Variants in HERC3 observed in about 807,000 individuals in gnomAD.
HERC3 encodes probable E3 ubiquitin-protein ligase HERC3.
In HERC3, 58 loss-of-function variants were observed where a neutral mutation model predicts 129.9. That is an observed-to-expected ratio of 0.45 (90% confidence interval 0.36 to 0.56). The LOEUF is 0.56. Among genes scored for constraint, HERC3 ranks in the 20% least tolerant of loss-of-function variants. The pLI, the probability that HERC3 is intolerant of heterozygous loss-of-function variation, is 0.00. For missense variants in HERC3, 835 were observed against 1,244.2 expected (o/e 0.67, Z 4.95); for synonymous variants, 430 against 451.0 (o/e 0.95, Z 0.59).
intron 9 of HERC3, chr4:88,656,993 A>G (rs1419965502): frequency 1.3e-5 from 2 of 151,888 alleles, no homozygotes; most frequent in African/African-American, 4.8e-5. Context: ...TTTTTAAGCC[A>G]TTTTTTTTCT....
intron 3 of HERC3, among the ~76,000 whole-genome samples, chr4:88,646,377 G>A (rs1425726367): frequency 1.3e-5 from 2 of 152,230 alleles, no homozygotes; most frequent in Admixed American, 1.3e-4. Flanking sequence ...CAGACTTGCT[G>A]TAAGCAGCAC....
intron 7 of HERC3, among the ~76,000 whole-genome samples, chr4:88,654,348 TCATATATATATATATATATATATATA>T (rs72056208): frequency 0.071 from 7,786 of 109,650 alleles, 611 homozygotes; most frequent in East Asian, 0.31. Context: ...TGTAGATTTT[TCATATATATATATATATATATATATA>T]TATATATATA....
intron 23 of HERC3, among the ~76,000 whole-genome samples, chr4:88,689,769 G>A (rs1048185236): frequency 1.3e-5 from 2 of 152,012 alleles, no homozygotes; most frequent in Admixed American, 1.3e-4. Context: ...GTAGAGATGG[G>A]GTTTTGCCAT....
At chr4:88,551,336 G>A in the HERC3 span, among the ~76,000 whole-genome samples, 8 of 148,456 alleles carry the variant, frequency 5.4e-5, no homozygotes, top group Admixed American at 2.0e-4. Context: ...TACCATCAGA[G>A]TGAACAGGCA....
intron 3 of HERC3, among the ~76,000 whole-genome samples, chr4:88,632,433 T>C (rs1217730514): frequency 6.6e-6 from 1 of 152,190 alleles, no homozygotes; most frequent in African/African-American, 2.4e-5. Flanking sequence ...TCAACTTGCA[T>C]GGGAAGAGAC....
intron 14 of HERC3, 106 bp downstream of exon 14, chr4:88,668,187 T>A: frequency 1.1e-6 from 1 of 899,016 alleles, no homozygotes; most frequent in Non-Finnish European, 1.8e-6. Context: ...TGTTGCCATT[T>A]AATATCCTTA....
At chr4:88,588,902 C>T (rs1214781709), upstream of HERC3, among the ~76,000 whole-genome samples, 1 of 152,198 alleles carries the variant, frequency 6.6e-6, no homozygotes, top group Non-Finnish European at 1.5e-5. Flanking sequence ...AGTGATAGAG[C>T]TGAACCACAT....
intron 23 of HERC3, chr4:88,697,941 G>GATAC: frequency 1.4e-6 from 1 of 734,240 alleles, no homozygotes; most frequent in South Asian, 1.9e-5. Flanking sequence ...TGACGGCCGT[G>GATAC]TGCTCATACT....
intron 3 of HERC3, among the ~76,000 whole-genome samples, chr4:88,641,680 C>G (rs1386895575): frequency 1.3e-5 from 2 of 152,192 alleles, no homozygotes; most frequent in Admixed American, 1.3e-4. Flanking sequence ...CAACAGTTCT[C>G]TCTATATACA....
chr4:88,531,815 A>G, the HERC3 span, among the ~76,000 whole-genome samples: 2 of 152,190 alleles, frequency 1.3e-5, no homozygotes, highest in Non-Finnish European at 2.9e-5. Flanking sequence ...CATGGGTTAG[A>G]TGAATGCTGC....
chr4:88,533,088 G>A, the HERC3 span, among the ~76,000 whole-genome samples: 3 of 152,226 alleles, frequency 2.0e-5, no homozygotes, highest in Admixed American at 1.3e-4. Flanking sequence ...GCCTGTGGCC[G>A]AAGGCCGGAG....
the HERC3 span, among the ~76,000 whole-genome samples, chr4:88,542,555 G>GA: frequency 2.0e-5 from 3 of 152,104 alleles, no homozygotes; most frequent in African/African-American, 4.8e-5. Flanking sequence ...CCAATCAATA[G>GA]AAACAAAGGG....
intron 25 of HERC3, among the ~76,000 whole-genome samples, chr4:88,706,216 T>C (rs1735765165): frequency 6.6e-6 from 1 of 152,246 alleles, no homozygotes; most frequent in Admixed American, 6.5e-5. Flanking sequence ...GAGAGTGTTG[T>C]TCAGCACTAG....
intron 6 of HERC3, among the ~76,000 whole-genome samples, chr4:88,653,563 C>T (rs550725031): frequency 2.0e-5 from 3 of 152,276 alleles, no homozygotes; most frequent in South Asian, 4.1e-4. Flanking sequence ...GAGGATATAA[C>T]TGGTTTTCTC....
At chr4:88,634,692 C>A (rs1250678179) in intron 3 of HERC3, among the ~76,000 whole-genome samples, 1 of 148,262 alleles carries the variant, frequency 6.7e-6, no homozygotes, top group African/African-American at 2.5e-5. Flanking sequence ...CTGGGTGAGA[C>A]CCCACCCCCG....
chr4:88,601,416 CT>C (rs1487173010), intron 2 of HERC3, among the ~76,000 whole-genome samples: 3 of 152,204 alleles, frequency 2.0e-5, no homozygotes, highest in Non-Finnish European at 4.4e-5. Context: ...TTTGGGCATG[CT>C]TTTATCTTGG....
At chr4:88,534,214 C>T in the HERC3 span, among the ~76,000 whole-genome samples, 5 of 152,164 alleles carry the variant, frequency 3.3e-5, no homozygotes, top group African/African-American at 1.2e-4. Flanking sequence ...TAGCAAGACT[C>T]CAGAACACTG....
intron 19 of HERC3, among the ~76,000 whole-genome samples, chr4:88,679,832 T>C (rs1009524311): frequency 1.3e-5 from 2 of 152,232 alleles, no homozygotes; most frequent in Non-Finnish European, 2.9e-5. Flanking sequence ...GATGGTAGAC[T>C]TTCTAAGGAC....
At chr4:88,535,101 G>A in the HERC3 span, among the ~76,000 whole-genome samples, 1 of 152,174 alleles carries the variant, frequency 6.6e-6, no homozygotes, top group Non-Finnish European at 1.5e-5. Flanking sequence ...CCAGAATCAT[G>A]GCTAGATGAA....
Sources: allele counts gnomAD v4.1 joint callset (sites outside exome capture counted in the v4.1 genomes callset), GRCh38; gene constraint gnomAD v4.1.1; transcripts MANE v1.5; gene names NCBI Gene and HGNC (gene_info 2026-07-23, HGNC 2026-07-21).